RORA: variants seen among roughly 807,000 people sequenced by gnomAD.
The protein encoded by RORA is RAR related orphan receptor A, also known as nuclear receptor ROR-alpha.
Under a neutral mutation model 69.5 loss-of-function variants are expected in RORA, and 7 were observed. That is an observed-to-expected ratio of 0.10 (90% CI 0.06 to 0.19). The LOEUF (loss-of-function observed/expected upper bound fraction) is 0.19, where lower values mean the gene tolerates loss of function less well. Ranked by LOEUF, RORA falls within the 10% of genes least tolerant of loss-of-function variation. RORA has a pLI of 1.00. For synonymous variants in RORA, 261 were observed against 240.8 expected (o/e 1.08, Z -0.78); for missense variants, 457 against 663.0 (o/e 0.69, Z 3.41).
At chr15:60,623,264 G>C (rs1194032168) in intron 2 of RORA, among the ~76,000 whole-genome samples, 3 of 152,276 alleles carry the variant, frequency 2.0e-5, no homozygotes, top group South Asian at 2.1e-4. Context: ...GGGACCCCCA[G>C]GAATCTGGAG....
At chr15:60,513,714 G>A (rs117723515) in intron 4 of RORA, among the ~76,000 whole-genome samples, 12 of 152,162 alleles carry the variant, frequency 7.9e-5, no homozygotes, top group South Asian at 4.1e-4. Flanking sequence ...CTTAGAATAC[G>A]CAGGAACAAA....
At chr15:60,858,639 C>T (rs1295945861) in intron 1 of RORA, among the ~76,000 whole-genome samples, 1 of 151,218 alleles carries the variant, frequency 6.6e-6, no homozygotes, top group Non-Finnish European at 1.5e-5. Context: ...GGAAATCAAA[C>T]CACCTGCCTG....
At chr15:60,941,347 G>C (rs763992424) in intron 1 of RORA, among the ~76,000 whole-genome samples, 4 of 152,242 alleles carry the variant, frequency 2.6e-5, no homozygotes, top group Non-Finnish European at 5.9e-5. Context: ...TGATACAACT[G>C]TGCCAGTCTT....
chr15:61,010,897 G>C (rs990770367), intron 1 of RORA, among the ~76,000 whole-genome samples: 3 of 152,044 alleles, frequency 2.0e-5, no homozygotes, highest in Non-Finnish European at 4.4e-5. Context: ...TGGTTCCTTG[G>C]TTCTGTTCTG....
At chr15:60,536,328 G>A (rs904907697) in intron 2 of RORA, among the ~76,000 whole-genome samples, 3 of 152,084 alleles carry the variant, frequency 2.0e-5, no homozygotes, top group Non-Finnish European at 4.4e-5. Context: ...TATTATTATT[G>A]TTGTTGTTGA....
At chr15:61,121,119 G>C (rs2079100046) in intron 1 of RORA, among the ~76,000 whole-genome samples, 1 of 152,220 alleles carries the variant, frequency 6.6e-6, no homozygotes, top group Admixed American at 6.5e-5. Flanking sequence ...CAAAGTGCTG[G>C]GGTTACAGAC....
chr15:60,509,287 G>C (rs993358232), intron 5 of RORA, among the ~76,000 whole-genome samples: 1 of 152,188 alleles, frequency 6.6e-6, no homozygotes, highest in African/African-American at 2.4e-5. Flanking sequence ...TGCTAGTTTA[G>C]TTTTGGGTTT....
At chr15:60,628,080 C>A (rs539880233) in intron 2 of RORA, among the ~76,000 whole-genome samples, 1 of 152,132 alleles carries the variant, frequency 6.6e-6, no homozygotes, top group Non-Finnish European at 1.5e-5. Flanking sequence ...TATTGCTTTA[C>A]TATGGTGTGT....
intron 2 of RORA, chr15:60,627,283 G>A: frequency 1.2e-6 from 2 of 1,614,152 alleles, no homozygotes; most frequent in Non-Finnish European, 1.7e-6. Context: ...AGACATTCTG[G>A]CCTGTCCAGT....
At chr15:60,549,201 C>T (rs930923467) in intron 2 of RORA, among the ~76,000 whole-genome samples, 1 of 152,102 alleles carries the variant, frequency 6.6e-6, no homozygotes, top group South Asian at 2.1e-4. Context: ...AATGATATAA[C>T]GTTAAAAAAT....
intron 1 of RORA, among the ~76,000 whole-genome samples, chr15:61,153,123 A>G (rs76516935): frequency 0.023 from 3,472 of 152,286 alleles, 111 homozygotes; most frequent in East Asian, 0.17. Context: ...TTGGACATCC[A>G]CAAGAAGCCC....
intron 1 of RORA, among the ~76,000 whole-genome samples, chr15:61,199,062 A>G (rs948084775): frequency 2.6e-5 from 4 of 152,196 alleles, no homozygotes; most frequent in Non-Finnish European, 5.9e-5. Flanking sequence ...CTTCTCTGCG[A>G]AGCCTTAGAA....
At chr15:61,198,670 T>C (rs1022155777) in intron 1 of RORA, among the ~76,000 whole-genome samples, 1 of 109,608 alleles carries the variant, frequency 9.1e-6, no homozygotes, top group African/African-American at 3.2e-5. Context: ...TGCATTATAT[T>C]CTCTCAAAAA....
chr15:61,171,241 C>T (rs2079582283), intron 1 of RORA, among the ~76,000 whole-genome samples: 1 of 152,106 alleles, frequency 6.6e-6, no homozygotes, highest in African/African-American at 2.4e-5. Flanking sequence ...CAGCCCTACA[C>T]CCATCCAGGG....
At chr15:60,820,523 G>A (rs10519077) in intron 1 of RORA, among the ~76,000 whole-genome samples, 104,853 of 151,926 alleles carry the variant, frequency 0.69, 36,330 homozygotes, top group East Asian at 0.84. Context: ...CGTGAAGAAG[G>A]TTTAAGATTT....
At chr15:61,081,500 T>C (rs1022118935) in intron 1 of RORA, among the ~76,000 whole-genome samples, 4 of 152,170 alleles carry the variant, frequency 2.6e-5, no homozygotes, top group African/African-American at 9.7e-5. Context: ...CTACTATCTT[T>C]ATGCTTTTCA....
chr15:60,785,794 T>C (rs943101552), intron 1 of RORA, among the ~76,000 whole-genome samples: 1 of 152,248 alleles, frequency 6.6e-6, no homozygotes, highest in African/African-American at 2.4e-5. Context: ...CCCTCCATAT[T>C]GAGGCTAAAG....
intron 2 of RORA, among the ~76,000 whole-genome samples, chr15:60,615,571 A>T (rs1400537254): frequency 6.6e-6 from 1 of 152,214 alleles, no homozygotes; most frequent in Non-Finnish European, 1.5e-5. Context: ...CAAAACCAAC[A>T]GGGAGCAATC....
intron 1 of RORA, among the ~76,000 whole-genome samples, chr15:60,963,577 T>G (rs1454781583): frequency 2.0e-5 from 3 of 152,198 alleles, no homozygotes; most frequent in African/African-American, 7.2e-5. Context: ...ATAAAGAAAT[T>G]GCACTTATTT....
Sources: gnomAD v4.1 joint callset for allele counts (sites outside exome capture counted in the v4.1 genomes callset) on GRCh38, gnomAD v4.1.1 for gene constraint, MANE v1.5 for transcripts, NCBI Gene and HGNC (gene_info 2026-07-23, HGNC 2026-07-21) for gene names.